SPAG16: variants seen among roughly 807,000 people sequenced by gnomAD.
SPAG16 encodes the protein sperm associated antigen 16.
Under a neutral mutation model 80.4 loss-of-function variants are expected in SPAG16, and 86 were observed. The observed-to-expected ratio is 1.07, with a 90% CI of 0.90 to 1.28. The LOEUF (loss-of-function observed/expected upper bound fraction) is 1.28, where lower values mean the gene tolerates loss of function less well. SPAG16 is among the 50% of genes most tolerant of loss of function. SPAG16 has a pLI of 0.00. For synonymous variants in SPAG16, 294 were observed against 265.9 expected, an observed-to-expected ratio of 1.11 and a Z score of -1.03; for missense variants, 870 against 765.3, an observed-to-expected ratio of 1.14 and a Z score of -1.61.
intron 11 of SPAG16, among the ~76,000 whole-genome samples, chr2:213,862,968 G>C (rs1038876259): frequency 2.6e-5 from 4 of 152,134 alleles, no homozygotes; most frequent in African/African-American, 9.7e-5. Flanking sequence ...ATTTACCTTT[G>C]TTAATCTTTG....
chr2:214,199,020 A>G (rs2057932833), intron 15 of SPAG16, among the ~76,000 whole-genome samples: 1 of 151,982 alleles, frequency 6.6e-6, no homozygotes, highest in African/African-American at 2.4e-5. Context: ...TCAGATGTGT[A>G]GTTTGTGAAT....
chr2:213,293,125 T>C (rs142543692), intron 1 of SPAG16, among the ~76,000 whole-genome samples: 2,740 of 152,276 alleles, frequency 0.018, 73 homozygotes, highest in African/African-American at 0.052. Context: ...TCGCAAGATC[T>C]CATGGTTTTG....
intron 15 of SPAG16, among the ~76,000 whole-genome samples, chr2:214,163,638 A>C (rs905771491): frequency 2.1e-5 from 1 of 46,902 alleles, no homozygotes; most frequent in Admixed American, 2.4e-4. Flanking sequence ...ATATATATAT[A>C]GAGAGAGAGA....
At chr2:214,236,726 T>G (rs1689108136) in intron 15 of SPAG16, among the ~76,000 whole-genome samples, 1 of 152,046 alleles carries the variant, frequency 6.6e-6, no homozygotes, top group Non-Finnish European at 1.5e-5. Flanking sequence ...ATTCACCAAA[T>G]AAGGTAGCAA....
At chr2:213,573,191 C>T (rs2059987943) in intron 10 of SPAG16, among the ~76,000 whole-genome samples, 3 of 152,156 alleles carry the variant, frequency 2.0e-5, no homozygotes, top group African/African-American at 4.8e-5. Context: ...CAGAAATCAC[C>T]GTCTTCTGCG....
At chr2:213,739,538 T>A (rs1433335273) in intron 10 of SPAG16, among the ~76,000 whole-genome samples, 6 of 152,198 alleles carry the variant, frequency 3.9e-5, no homozygotes, top group Non-Finnish European at 4.4e-5. Context: ...GTTCAGCATA[T>A]CATTTATGGA....
intron 13 of SPAG16, among the ~76,000 whole-genome samples, chr2:214,056,817 T>TA (rs1195769410): frequency 1.3e-5 from 2 of 152,198 alleles, no homozygotes; most frequent in African/African-American, 4.8e-5. Flanking sequence ...TCTACTGCTT[T>TA]ATCAGTTAAG....
Position 214,210,837 on chromosome 2 carries a change from G to GCA in SPAG16, c.1720+61572_1720+61573insAC, listed in dbSNP as rs200090169. Among the ~76,000 whole-genome samples the GCA allele has an allele frequency of 8.1e-3, 1,191 of 147,654 alleles. 7 individuals carry two copies. Among genetic ancestry groups the GCA allele is most frequent in the South Asian group, 0.036 (170 of 4,776 alleles). ...AAAAAATACACACACACATGCGCGC[G>GCA]CGCACACACACACACACACATATTT... On this transcript the variant is annotated intron_variant, in intron 15 of 15. Coordinates refer to ENST00000331683, the MANE Select transcript of SPAG16 (RefSeq NM_024532.5).
chr2:214,024,290 G>A (rs1015533760), intron 13 of SPAG16, among the ~76,000 whole-genome samples: 2 of 151,476 alleles, frequency 1.3e-5, no homozygotes, highest in African/African-American at 2.4e-5. Flanking sequence ...TTTTCTCCAC[G>A]TGCTTACCCA....
intron 9 of SPAG16, among the ~76,000 whole-genome samples, chr2:213,407,817 G>GAGGAGAGAGGCAGAGAGAGAGAGAC (rs2068725292): frequency 7.3e-6 from 1 of 136,372 alleles, no homozygotes. Flanking sequence ...GAGAGAGAGA[G>GAGGAGAGAGGCAGAGAGAGAGAGAC]AGGAGAGAGG....
intron 10 of SPAG16, among the ~76,000 whole-genome samples, chr2:213,650,361 G>T (rs541766860): frequency 2.0e-5 from 3 of 152,240 alleles, no homozygotes; most frequent in African/African-American, 7.2e-5. Context: ...TATCTCTCCT[G>T]CCTTATAACT....
At chr2:213,720,742 C>CTTTTTTT (rs564036456) in intron 10 of SPAG16, among the ~76,000 whole-genome samples, 1 of 78,924 alleles carries the variant, frequency 1.3e-5, no homozygotes, top group African/African-American at 4.6e-5. Flanking sequence ...GAAGTAAGTC[C>CTTTTTTT]TTTTTTTTTT....
At chr2:213,933,702 C>T (rs2078869043) in intron 12 of SPAG16, among the ~76,000 whole-genome samples, 1 of 152,160 alleles carries the variant, frequency 6.6e-6, no homozygotes, top group African/African-American at 2.4e-5. Context: ...TTCTTGACCC[C>T]TAATGTTGGG....
At chr2:213,397,882 C>T (rs1488154239) in intron 9 of SPAG16, among the ~76,000 whole-genome samples, 2 of 152,132 alleles carry the variant, frequency 1.3e-5, no homozygotes, top group East Asian at 3.9e-4. Context: ...ACATCTTCAA[C>T]TGAGATCTCT....
At chr2:214,355,358 C>T (rs1159922946) in intron 15 of SPAG16, among the ~76,000 whole-genome samples, 5 of 137,606 alleles carry the variant, frequency 3.6e-5, no homozygotes, top group Admixed American at 1.5e-4. Context: ...AAAAAGTGGG[C>T]GAAGGACATG....
chr2:214,331,902 G>A (rs1183191706), intron 15 of SPAG16, among the ~76,000 whole-genome samples: 8 of 152,216 alleles, frequency 5.3e-5, no homozygotes, highest in Non-Finnish European at 1.0e-4. Flanking sequence ...CCTGGAAAAT[G>A]TATCTATTTC....
chr2:213,889,827 G>A lies in SPAG16; in HGVS notation c.1214+27199G>A, dbSNP rs980386868. On this transcript the variant is annotated intron_variant, in intron 11 of 15. Coordinates refer to ENST00000331683, the MANE Select transcript of SPAG16 (RefSeq NM_024532.5). ...ATGATGACATCAAATGTTGCCTATG[G>A]GAAGCCTCTAATCAACTAAATATCT... Among the ~76,000 whole-genome samples, 3 of 151,150 alleles carry A rather than the reference G, an allele frequency of 2.0e-5. No individual in the cohort carries two copies. In the Admixed American group the frequency reaches 2.0e-4, roughly 10 times the overall value.
rs539318983 is a variant in SPAG16 at position 214,070,190 on chromosome 2, T to C, written c.1528-38006T>C. Among the ~76,000 whole-genome samples the C allele has an allele frequency of 1.1e-3, 165 of 152,178 alleles. 1 individual carries two copies. The highest frequency in any genetic ancestry group is 3.4e-3 in the Middle Eastern group (1 of 294). On this transcript the variant is annotated intron_variant, in intron 13 of 15. Coordinates refer to ENST00000331683, the MANE Select transcript of SPAG16 (RefSeq NM_024532.5). Reference sequence around the variant, plus strand: ...TTTGTTATTTGCCTTTTAATTTTTATACTTGTAATGCATAAGTATGTTTAT... The same window carrying C: ...TTTGTTATTTGCCTTTTAATTTTTACACTTGTAATGCATAAGTATGTTTAT...
At chr2:213,721,979 G>A (rs1271599127) in intron 10 of SPAG16, among the ~76,000 whole-genome samples, 2 of 152,114 alleles carry the variant, frequency 1.3e-5, no homozygotes, top group South Asian at 2.1e-4. Context: ...AGAAAAAACT[G>A]TTTATAACGG....
Sources: allele counts gnomAD v4.1 joint callset (sites outside exome capture counted in the v4.1 genomes callset), GRCh38; gene constraint gnomAD v4.1.1; transcripts MANE v1.5; gene names NCBI Gene and HGNC (gene_info 2026-07-23, HGNC 2026-07-21).